The following ZNF148 variants were observed in gnomAD, a reference collection of about 807,000 sequenced individuals.
The protein encoded by ZNF148 is Beta-Enolase Repressor Factor-1.
Under a neutral mutation model 67.7 loss-of-function variants are expected in ZNF148, and 7 were observed. The observed-to-expected ratio is 0.10, with a 90% CI of 0.06 to 0.19. ZNF148 has a LOEUF of 0.19. ZNF148 is among the 10% of genes least tolerant of loss of function. ZNF148 has a pLI of 1.00. For missense variants in ZNF148, 583 were observed against 947.1 expected, an observed-to-expected ratio of 0.62 and a Z score of 5.05; for synonymous variants, 333 against 330.7, an observed-to-expected ratio of 1.01 and a Z score of -0.08.
Position 125,232,747 on chromosome 3 carries a change from C to A in ZNF148, c.1979G>T (p.Arg660Leu). ...TCTTAGTGGAGAATTCATTCCTGAT[C>A]GAAAGCTATTGATGGGCATGGTGGC... ...VYATMPINSF[R>L]SGMNSPLRTT... The change falls in exon 9 of 9, where the codon CGA becomes CTA. Residue 660 changes from arginine to leucine, a missense_variant. Arg to Leu is a moderately radical substitution (Grantham distance 102). Transcript: ENST00000360647. The surrounding 1 kb of genome is among the most constrained non-coding windows in gnomAD (Gnocchi z 4.2). The A allele has an allele frequency of 6.2e-7, 1 of 1,613,750 alleles. No individual in the cohort carries two copies.
At chr3:125,348,480 C>CAAAAAAAAA (rs35810148) in intron 1 of ZNF148, among the ~76,000 whole-genome samples, 1 of 60,732 alleles carries the variant, frequency 1.6e-5, no homozygotes, top group African/African-American at 6.9e-5. Context: ...GACCCTGTCT[C>CAAAAAAAAA]AAAAAAAAAA....
intron 7 of ZNF148, among the ~76,000 whole-genome samples, chr3:125,264,750 A>G (rs947845919): frequency 6.6e-6 from 1 of 152,168 alleles, no homozygotes; most frequent in African/African-American, 2.4e-5. Context: ...TTCAGTCTTC[A>G]GGTCTTTTTC....
At chr3:125,351,640 T>C (rs373308520) in intron 1 of ZNF148, among the ~76,000 whole-genome samples, 3 of 152,152 alleles carry the variant, frequency 2.0e-5, no homozygotes, top group East Asian at 3.8e-4. Flanking sequence ...GGAGAAGATA[T>C]ATGCAAATCA....
At chr3:125,269,791 A>G (rs1937636557) in intron 7 of ZNF148, among the ~76,000 whole-genome samples, 1 of 152,210 alleles carries the variant, frequency 6.6e-6, no homozygotes, top group South Asian at 2.1e-4. Flanking sequence ...GAGCAAAATC[A>G]TGTCTTTTGC....
At chr3:125,311,434 C>A (rs1940205734) in intron 4 of ZNF148, 1 of 152,192 alleles carries the variant, frequency 6.6e-6, no homozygotes, top group African/African-American at 2.4e-5. Context: ...TTTGGTAAAA[C>A]TTCTGTAATC....
At chr3:125,290,018 C>A (rs1938920734) in intron 4 of ZNF148, among the ~76,000 whole-genome samples, 1 of 152,086 alleles carries the variant, frequency 6.6e-6, no homozygotes, top group Admixed American at 6.6e-5. Flanking sequence ...GTTCTTATTA[C>A]CAGTCCAGAT....
At chr3:125,267,241 C>G (rs900876860) in intron 7 of ZNF148, among the ~76,000 whole-genome samples, 4 of 151,928 alleles carry the variant, frequency 2.6e-5, no homozygotes, top group Middle Eastern at 3.4e-3. Flanking sequence ...ATACCAAAAT[C>G]TGGCAAAGAC....
At chr3:125,328,912 T>G (rs766838027) in intron 2 of ZNF148, among the ~76,000 whole-genome samples, 1 of 152,000 alleles carries the variant, frequency 6.6e-6, no homozygotes, top group Non-Finnish European at 1.5e-5. Context: ...TGGCCTTCTT[T>G]TTAGAGTTAG....
intron 7 of ZNF148, among the ~76,000 whole-genome samples, chr3:125,249,687 A>G (rs769470590): frequency 2.0e-5 from 3 of 152,230 alleles, no homozygotes; most frequent in Non-Finnish European, 4.4e-5. Flanking sequence ...CTATATATCC[A>G]AAGGAACTGA....
intron 7 of ZNF148, among the ~76,000 whole-genome samples, chr3:125,246,582 G>A (rs1489861839): frequency 6.6e-6 from 1 of 152,130 alleles, no homozygotes; most frequent in Non-Finnish European, 1.5e-5. Context: ...AGGAATTTAA[G>A]AAAGAAGCCT....
chr3:125,287,388 T>C (rs900443459), intron 5 of ZNF148, among the ~76,000 whole-genome samples: 2 of 152,152 alleles, frequency 1.3e-5, no homozygotes, highest in East Asian at 1.9e-4. Context: ...CCTGTAATCC[T>C]AATACTTTGG....
chr3:125,368,792 A>G (rs1461238808), intron 1 of ZNF148, among the ~76,000 whole-genome samples: 1 of 151,872 alleles, frequency 6.6e-6, no homozygotes, highest in Non-Finnish European at 1.5e-5. Flanking sequence ...TAAAAAATAC[A>G]AAAAATTGCC....
Position 125,288,517 on chromosome 3 carries a change from G to A in ZNF148, c.334-289C>T, listed in dbSNP as rs567493915. ...AAGATGATCATAAGACCAAGCAGAA[G>A]TCAGGAAATCGTAACATCAATTTCA... is the stretch of plus-strand genomic sequence containing the variant. On this transcript the variant is annotated intron_variant, in intron 4 of 8. Transcript: ENST00000360647. 2.6e-5 allele frequency among the ~76,000 whole-genome samples: 4 copies of A among 151,558 alleles called. No individual in the cohort carries two copies. In the East Asian group the frequency reaches 7.8e-4, roughly 30 times the overall value.
intron 7 of ZNF148, among the ~76,000 whole-genome samples, chr3:125,268,394 GA>G (rs1282238735): frequency 4.0e-5 from 6 of 151,302 alleles, no homozygotes; most frequent in Admixed American, 6.6e-5. Flanking sequence ...AGAGAACCCA[GA>G]AAAAAAAGCT....
intron 1 of ZNF148, among the ~76,000 whole-genome samples, chr3:125,359,596 A>C (rs1441488119): frequency 6.6e-6 from 1 of 152,116 alleles, no homozygotes; most frequent in Non-Finnish European, 1.5e-5. Context: ...TTTTACCCGA[A>C]TCTCTTTACT....
intron 7 of ZNF148, among the ~76,000 whole-genome samples, chr3:125,267,170 C>G (rs1429991428): frequency 2.6e-5 from 4 of 151,414 alleles, no homozygotes. Context: ...TGAAACCATT[C>G]CAAAAAATCA....
chr3:125,267,663 G>A (rs1937564062), intron 7 of ZNF148, among the ~76,000 whole-genome samples: 1 of 152,016 alleles, frequency 6.6e-6, no homozygotes, highest in Non-Finnish European at 1.5e-5. Context: ...CCTAAGAACT[G>A]GAACAAGACA....
intron 1 of ZNF148, among the ~76,000 whole-genome samples, chr3:125,352,833 T>G (rs1282255359): frequency 6.6e-6 from 1 of 152,070 alleles, no homozygotes; most frequent in Non-Finnish European, 1.5e-5. Context: ...AAGAATGAAG[T>G]GAGAGGAGGC....
At chr3:125,267,540 A>G (rs1361778953) in intron 7 of ZNF148, among the ~76,000 whole-genome samples, 1 of 151,992 alleles carries the variant, frequency 6.6e-6, no homozygotes, top group East Asian at 1.9e-4. Flanking sequence ...CCTTCATTAT[A>G]AAAACCCTCA....
Sources: gnomAD v4.1 joint callset for allele counts (sites outside exome capture counted in the v4.1 genomes callset) on GRCh38, gnomAD v4.1.1 for gene constraint, Gnocchi (gnomAD v3.1) non-coding constraint, MANE v1.5 for transcripts, NCBI Gene and HGNC (gene_info 2026-07-23, HGNC 2026-07-21) for gene names.